The following PPFIA1 variants were observed in gnomAD, a reference collection of about 807,000 sequenced individuals.
The protein encoded by PPFIA1 is liprin-alpha-1.
A neutral mutation model predicts 149.9 loss-of-function variants in PPFIA1; 25 were observed. That is an observed-to-expected ratio of 0.17 (90% CI 0.12 to 0.23). The LOEUF is 0.23. PPFIA1 is among the 10% of genes least tolerant of loss of function. The pLI, the probability that PPFIA1 is intolerant of heterozygous loss-of-function variation, is 1.00. For missense variants in PPFIA1, 1,362 were observed against 1,506.5 expected, an observed-to-expected ratio of 0.90 and a Z score of 1.59; for synonymous variants, 549 against 552.8, an observed-to-expected ratio of 0.99 and a Z score of 0.10.
intron 23 of PPFIA1, chr11:70,374,621 C>T (rs2057406950): frequency 3.1e-6 from 1 of 321,976 alleles, no homozygotes. Flanking sequence ...AGTCCTCTGG[C>T]TTCTGATCCC....
intron 2 of PPFIA1, among the ~76,000 whole-genome samples, chr11:70,279,905 A>ATGTGTGTG (rs759392357): frequency 6.9e-6 from 1 of 144,862 alleles, no homozygotes; most frequent in African/African-American, 2.7e-5. Flanking sequence ...TGTGTGGGGG[A>ATGTGTGTG]TGTGTGTGTG....
In PPFIA1 at chr11:70,374,941, C is replaced by G. The variant is rs1420567908; in HGVS notation, c.3163C>G (p.Arg1055Gly). 3.7e-6 allele frequency: 6 copies of G among 1,610,966 alleles called. No individual in the cohort carries two copies. In the South Asian group the frequency reaches 5.5e-5, roughly 15 times the overall value. The stretch of plus-strand genomic sequence containing the variant: ...AGACGTGCTTGTTTGGAGCAATGAT[C>G]GAGTGATTCGCTGGATCCTGTCAAT... ...IKDVLVWSND[R>G]VIRWILSIGL... Residue 1055 changes from arginine to glycine, a missense_variant, in exon 24 of 28, where the codon CGA becomes GGA. Physicochemically the swap from Arg to Gly is moderately radical, Grantham distance 125 (BLOSUM62 -2). Coordinates refer to ENST00000253925, the MANE Select transcript of PPFIA1 (RefSeq NM_003626.5).
chr11:70,344,351 G>C (rs1222756049), intron 15 of PPFIA1, among the ~76,000 whole-genome samples: 2 of 152,248 alleles, frequency 1.3e-5, no homozygotes, highest in African/African-American at 2.4e-5. Flanking sequence ...ACTGAAGCCT[G>C]CCTTGAATGA....
chr11:70,317,125 T>C (rs956455395), intron 2 of PPFIA1, among the ~76,000 whole-genome samples: 3 of 152,214 alleles, frequency 2.0e-5, no homozygotes, highest in African/African-American at 7.2e-5. Flanking sequence ...AAACTAGTGA[T>C]ATATTTGACT....
intron 2 of PPFIA1, among the ~76,000 whole-genome samples, chr11:70,321,836 G>A (rs2053962818): frequency 6.6e-6 from 1 of 152,228 alleles, no homozygotes; most frequent in Non-Finnish European, 1.5e-5. Flanking sequence ...TCTGTACTTT[G>A]ACTTGACAGT....
chr11:70,308,536 A>G (rs1316732041), intron 2 of PPFIA1, among the ~76,000 whole-genome samples: 1 of 152,238 alleles, frequency 6.6e-6, no homozygotes, highest in Non-Finnish European at 1.5e-5. Flanking sequence ...GGGAACTTTG[A>G]AAAATACTAT....
chr11:70,341,406 G>C (rs572748587), intron 14 of PPFIA1, among the ~76,000 whole-genome samples: 1 of 152,086 alleles, frequency 6.6e-6, no homozygotes, highest in Non-Finnish European at 1.5e-5. Context: ...GAAGGAAAGA[G>C]AGGAAGTCAA....
intron 7 of PPFIA1, among the ~76,000 whole-genome samples, chr11:70,327,954 G>A (rs941430140): frequency 6.6e-6 from 1 of 152,204 alleles, no homozygotes; most frequent in African/African-American, 2.4e-5. Context: ...ATTCACCACA[G>A]GAAGAACATT....
At chr11:70,371,560 G>T (rs2057267502) in intron 21 of PPFIA1, 1 of 150,964 alleles carries the variant, frequency 6.6e-6, no homozygotes, top group African/African-American at 2.4e-5. Context: ...TTGTTGGGTG[G>T]TGTGTTCTAT....
chr11:70,280,258 A>G (rs1343976642), intron 2 of PPFIA1, among the ~76,000 whole-genome samples: 2 of 150,126 alleles, frequency 1.3e-5, no homozygotes, highest in African/African-American at 4.9e-5. Flanking sequence ...ATAAATATAT[A>G]TGTATATAAA....
intron 2 of PPFIA1, among the ~76,000 whole-genome samples, chr11:70,286,532 T>A (rs2051139155): frequency 6.6e-6 from 1 of 152,158 alleles, no homozygotes; most frequent in African/African-American, 2.4e-5. Flanking sequence ...ATTACAGGCG[T>A]GAGCCACTGC....
At chr11:70,369,913 C>T (rs1321908010) in intron 21 of PPFIA1, among the ~76,000 whole-genome samples, 4 of 151,542 alleles carry the variant, frequency 2.6e-5, no homozygotes, top group Admixed American at 1.3e-4. Flanking sequence ...CTGAAGTTAC[C>T]GACATGGCCA....
At chr11:70,366,515 T>C (rs2056947502) in intron 21 of PPFIA1, among the ~76,000 whole-genome samples, 1 of 152,262 alleles carries the variant, frequency 6.6e-6, no homozygotes, top group East Asian at 1.9e-4. Flanking sequence ...TTCTCAATTC[T>C]TTAACTCACC....
chr11:70,297,650 AAAAATTATTGT>A (rs1215887863), intron 2 of PPFIA1, among the ~76,000 whole-genome samples: 3 of 152,204 alleles, frequency 2.0e-5, no homozygotes, highest in Non-Finnish European at 4.4e-5. Context: ...ATCTGCACAG[AAAAATTATTGT>A]AAGGATTCTG....
intron 2 of PPFIA1, among the ~76,000 whole-genome samples, chr11:70,282,706 G>C (rs1285953273): frequency 1.3e-5 from 2 of 150,622 alleles, no homozygotes; most frequent in Non-Finnish European, 3.0e-5. Flanking sequence ...TTTTTGTTTT[G>C]TATTTTTAGT....
At chr11:70,346,755 A>G (rs1051710177) in intron 15 of PPFIA1, among the ~76,000 whole-genome samples, 1 of 152,224 alleles carries the variant, frequency 6.6e-6, no homozygotes, top group African/African-American at 2.4e-5. Flanking sequence ...GACCTGATGT[A>G]AGTGTTCTGT....
In PPFIA1 at chr11:70,286,164, C is replaced by A. The variant is rs190630347; in HGVS notation, c.264+13728C>A. 3.9e-5 allele frequency among the ~76,000 whole-genome samples: 6 copies of A among 152,286 alleles called. No homozygotes were observed. In the East Asian group the frequency reaches 1.2e-3, roughly 29 times the overall value. ...TTTCATTTGGGCAGGCTTTGGGCTC[C>A]TTAAATTCAATATTGGCTCAAACCA... On this transcript the variant is annotated intron_variant, in intron 2 of 27. Transcript: ENST00000253925.
intron 1 of PPFIA1, chr11:70,271,923 T>C: frequency 2.4e-6 from 1 of 417,182 alleles, no homozygotes; most frequent in Non-Finnish European, 4.3e-6. Flanking sequence ...CCCTTTTTTG[T>C]GAGGGTAGTC....
chr11:70,357,862 C>T (rs576087994), intron 19 of PPFIA1, among the ~76,000 whole-genome samples: 11 of 152,304 alleles, frequency 7.2e-5, no homozygotes, highest in Admixed American at 2.0e-4. Flanking sequence ...GCTGGGATTA[C>T]AGGCGTGAGC....
Sources: gnomAD v4.1 joint callset for allele counts (sites outside exome capture counted in the v4.1 genomes callset) on GRCh38, gnomAD v4.1.1 for gene constraint, MANE v1.5 for transcripts, NCBI Gene and HGNC (gene_info 2026-07-23, HGNC 2026-07-21) for gene names.